The following CYB5B variants were observed in gnomAD, a reference collection of about 807,000 sequenced individuals.
CYB5B encodes the protein cytochrome b5 type B (outer mitochondrial membrane).
Under a neutral mutation model 21.3 loss-of-function variants are expected in CYB5B, and 14 were observed. That is an observed-to-expected ratio of 0.66 (90% CI 0.43 to 1.03). The LOEUF (loss-of-function observed/expected upper bound fraction) is 1.03. Ranked by LOEUF, CYB5B falls within the 50% of genes least tolerant of loss-of-function variation. CYB5B has a pLI of 0.00. For synonymous variants in CYB5B, 69 were observed against 68.4 expected (o/e 1.01, Z -0.04); for missense variants, 166 against 185.1 (o/e 0.90, Z 0.60).
At chr16:69,456,074 T>C (rs374735692) in intron 3 of CYB5B, among the ~76,000 whole-genome samples, 2 of 152,178 alleles carry the variant, frequency 1.3e-5, no homozygotes, top group East Asian at 3.8e-4. Flanking sequence ...AAATATTCTA[T>C]TCAGGTATTA....
At chr16:69,454,777 T>C (rs1434058168) in intron 3 of CYB5B, among the ~76,000 whole-genome samples, 1 of 152,244 alleles carries the variant, frequency 6.6e-6, no homozygotes, top group Admixed American at 6.5e-5. Flanking sequence ...AATAGCAATG[T>C]AGGAATTAAA....
At chr16:69,459,535 G>GA (rs2015013775) in intron 4 of CYB5B, 2 of 156,524 alleles carry the variant, frequency 1.3e-5, no homozygotes, top group African/African-American at 2.4e-5. Flanking sequence ...TATTGCAGGA[G>GA]AAAAAAATAC....
chr16:69,437,198 A>T (rs546458275), intron 1 of CYB5B, among the ~76,000 whole-genome samples: 6 of 152,202 alleles, frequency 3.9e-5, no homozygotes. Context: ...GCAGTTTATA[A>T]TTTCGGTTGC....
chr16:69,448,291 A>G (rs1186550518), intron 3 of CYB5B, 147 bp downstream of exon 3: 4 of 852,314 alleles, frequency 4.7e-6, no homozygotes, highest in South Asian at 3.3e-5. Flanking sequence ...ATTTGGACTC[A>G]GTATCATCTC....
At chr16:69,454,161 A>G (rs976241818) in intron 3 of CYB5B, among the ~76,000 whole-genome samples, 2 of 152,046 alleles carry the variant, frequency 1.3e-5, no homozygotes, top group Non-Finnish European at 2.9e-5. Flanking sequence ...TTTTTTCTTG[A>G]GTGAGGTGTT....
At chr16:69,458,954 A>C (rs2015006607) in intron 3 of CYB5B, 139 bp from the exon 4 acceptor site, 1 of 709,014 alleles carries the variant, frequency 1.4e-6, no homozygotes, top group Admixed American at 3.5e-5. Flanking sequence ...ATATTTGTAA[A>C]CACCAAAATG....
chr16:69,432,047 C>G (rs1250889208), intron 1 of CYB5B, among the ~76,000 whole-genome samples: 1 of 152,094 alleles, frequency 6.6e-6, no homozygotes, highest in Non-Finnish European at 1.5e-5. Context: ...TGAAGTCAAG[C>G]AAGAGTTTGG....
chr16:69,427,018 TCA>T (rs1485965725), intron 1 of CYB5B, among the ~76,000 whole-genome samples: 1 of 152,166 alleles, frequency 6.6e-6, no homozygotes, highest in African/African-American at 2.4e-5. Flanking sequence ...GGCGGGCAGA[TCA>T]CCTGAGTTCA....
intron 3 of CYB5B, among the ~76,000 whole-genome samples, chr16:69,450,551 A>G (rs1257115113): frequency 2.6e-5 from 4 of 152,200 alleles, no homozygotes; most frequent in Non-Finnish European, 5.9e-5. Context: ...TTATAGAGCT[A>G]TATTCCAACC....
Position 69,447,176 on chromosome 16 carries a change from G to C in CYB5B, c.201G>C (p.Leu67=). Residue 67 remains leucine, a synonymous_variant, in exon 2 of 5, where the codon CTG becomes CTC. Coordinates refer to ENST00000307892, the MANE Select transcript of CYB5B (RefSeq NM_030579.3). ...NEHPGGEEVL[L]EQAGVDASES... is the part of the protein sequence containing the mutation. ...ACCCTGGAGGAGAAGAGGTTCTGCT[G>C]GAACAAGCTGGTGTAGATGCAAGTG... 1 of 1,614,072 alleles carries C rather than the reference G, an allele frequency of 6.2e-7. No homozygotes were observed.
intron 2 of CYB5B, among the ~76,000 whole-genome samples, 180 bp from the exon 3 acceptor site, chr16:69,447,935 A>G (rs751180107): frequency 4.6e-5 from 7 of 152,124 alleles, no homozygotes; most frequent in Non-Finnish European, 1.0e-4. Context: ...CATATATACC[A>G]TTCTAACAAG....
At chr16:69,451,181 T>A (rs1055450001) in intron 3 of CYB5B, among the ~76,000 whole-genome samples, 1 of 152,230 alleles carries the variant, frequency 6.6e-6, no homozygotes, top group Non-Finnish European at 1.5e-5. Context: ...AATCTCTTCC[T>A]TGCTGGATTA....
intron 3 of CYB5B, among the ~76,000 whole-genome samples, chr16:69,452,988 ACT>A (rs2014950979): frequency 7.0e-6 from 1 of 143,544 alleles, no homozygotes; most frequent in African/African-American, 2.5e-5. Context: ...AGAGAGCGAG[ACT>A]CTGTCTCAAA....
intron 2 of CYB5B, 64 bp downstream of exon 2, chr16:69,447,342 A>C: frequency 6.4e-7 from 1 of 1,568,354 alleles, no homozygotes; most frequent in South Asian, 1.2e-5. Flanking sequence ...GCAGAACAGG[A>C]TGAAGAAATG....
At chr16:69,424,935 G>T in intron 1 of CYB5B, 78 bp downstream of exon 1, 1 of 1,367,730 alleles carries the variant, frequency 7.3e-7, no homozygotes, top group South Asian at 1.8e-5. Context: ...TATGTGGGAA[G>T]GAAGGGAGGC....
intron 1 of CYB5B, among the ~76,000 whole-genome samples, chr16:69,434,882 T>A (rs1436458647): frequency 2.7e-5 from 3 of 112,856 alleles, no homozygotes; most frequent in Non-Finnish European, 5.8e-5. Context: ...AAAAAAAAAA[T>A]CATTGTAATG....
chr16:69,438,478 C>T (rs1229072751), intron 1 of CYB5B, among the ~76,000 whole-genome samples: 2 of 152,006 alleles, frequency 1.3e-5, no homozygotes, highest in Non-Finnish European at 2.9e-5. Flanking sequence ...AAACTGTTTC[C>T]CACAGCAGCT....
Position 69,463,940 on chromosome 16 carries a change from C to G in CYB5B, c.*1420C>G, listed in dbSNP as rs890006656. ...AGCACTTGAGGAAATAAATAGTACA[C>G]TGGCTGTTTTCTGCCAGCAACTGTG... On this transcript the variant is annotated 3_prime_UTR_variant, in exon 5 of 5. Transcript: ENST00000307892. 4 of 152,318 alleles carry G rather than the reference C, an allele frequency of 2.6e-5. No homozygotes were observed. Among genetic ancestry groups the G allele is most frequent in the Admixed American group, 6.5e-5 (1 of 15,304 alleles). 9.4% of individuals were successfully genotyped at this position (152,318 alleles called of 1,614,324 possible).
chr16:69,432,994 T>C (rs2014721852), intron 1 of CYB5B, among the ~76,000 whole-genome samples: 1 of 152,128 alleles, frequency 6.6e-6, no homozygotes, highest in Non-Finnish European at 1.5e-5. Flanking sequence ...GACGGGGTTT[T>C]GCCGTGTTGG....
Sources: allele counts gnomAD v4.1 joint callset (sites outside exome capture counted in the v4.1 genomes callset), GRCh38; gene constraint gnomAD v4.1.1; transcripts MANE v1.5; gene names NCBI Gene and HGNC (gene_info 2026-07-23, HGNC 2026-07-21).